Variants in PRKCA observed in about 807,000 individuals in gnomAD.
The protein encoded by PRKCA is protein kinase C alpha type.
Under a neutral mutation model 87.0 loss-of-function variants are expected in PRKCA, and 27 were observed. The ratio of observed to expected loss-of-function variants is 0.31; its 90% confidence interval spans 0.23 to 0.43. PRKCA has a LOEUF of 0.43. PRKCA is among the 20% of genes least tolerant of loss of function. The probability of loss-of-function intolerance (pLI) is 1.00; values close to 1 mark genes in which losing one functional copy is unlikely to be tolerated. For synonymous variants in PRKCA, 329 were observed against 311.1 expected (o/e 1.06, Z -0.61); for missense variants, 518 against 852.3 (o/e 0.61, Z 4.88).
At chr17:66,723,167 G>GC (rs1391422468) in intron 8 of PRKCA, among the ~76,000 whole-genome samples, 3 of 15,750 alleles carry the variant, frequency 1.9e-4, no homozygotes, top group African/African-American at 8.0e-4. Context: ...GCAGGTCACA[G>GC]GTTTCTGGTC....
intron 2 of PRKCA, among the ~76,000 whole-genome samples, chr17:66,405,785 G>T (rs982518622): frequency 2.0e-5 from 3 of 152,040 alleles, no homozygotes; most frequent in Non-Finnish European, 4.4e-5. Flanking sequence ...TTGGCAGATG[G>T]CTATCTGTGC....
intron 8 of PRKCA, among the ~76,000 whole-genome samples, chr17:66,724,249 T>C (rs1013408041): frequency 2.0e-5 from 3 of 149,894 alleles, no homozygotes; most frequent in African/African-American, 7.4e-5. Context: ...TGAGCCAAGA[T>C]CGCGCCACTG....
At chr17:66,745,571 C>T (rs189125599) in intron 13 of PRKCA, among the ~76,000 whole-genome samples, 1 of 151,950 alleles carries the variant, frequency 6.6e-6, no homozygotes, top group East Asian at 1.9e-4. Context: ...ATCCCAGCTG[C>T]TCAGGATGCT....
chr17:66,426,180 A>C (rs912351450), intron 2 of PRKCA, among the ~76,000 whole-genome samples: 4 of 152,186 alleles, frequency 2.6e-5, no homozygotes, highest in Admixed American at 2.6e-4. Flanking sequence ...AGAGGTGAAC[A>C]TGAACCAGGA....
chr17:66,727,320 C>T (rs539866990), intron 8 of PRKCA, among the ~76,000 whole-genome samples: 30 of 152,288 alleles, frequency 2.0e-4, no homozygotes, highest in African/African-American at 7.0e-4. Context: ...TTATGGGCTT[C>T]TTTAAGGGGT....
chr17:66,426,427 A>G (rs896680954), intron 2 of PRKCA, among the ~76,000 whole-genome samples: 2 of 152,210 alleles, frequency 1.3e-5, no homozygotes, highest in African/African-American at 2.4e-5. Flanking sequence ...ATACAGGAGC[A>G]AGATTTCAGG....
chr17:66,773,936 G>A (rs1974992868), intron 13 of PRKCA, 51 bp from the exon 14 acceptor site: 1 of 1,610,246 alleles, frequency 6.2e-7, no homozygotes, highest in Non-Finnish European at 8.5e-7. Context: ...TGTTCTGACA[G>A]GGGCTATTGG....
chr17:66,726,973 C>T lies in PRKCA; in HGVS notation c.919-5715C>T, dbSNP rs945763210. 1.5e-4 allele frequency among the ~76,000 whole-genome samples: 23 copies of T among 152,250 alleles called. 1 individual carries two copies. The highest frequency in any genetic ancestry group is 2.1e-4 in the South Asian group (1 of 4,822). On this transcript the variant is annotated intron_variant, in intron 8 of 16. Transcript: ENST00000413366. The stretch of plus-strand genomic sequence containing the variant: ...TGCTGACCTCAGGTGATCCTCCTGC[C>T]TTGGTGTCCCAAAGTGCTGGGATTA...
intron 16 of PRKCA, among the ~76,000 whole-genome samples, chr17:66,799,668 T>C (rs1347190911): frequency 6.8e-6 from 1 of 146,018 alleles, no homozygotes; most frequent in Admixed American, 6.9e-5. Context: ...ACGGTGGTGG[T>C]GGTGGTGGTG....
At chr17:66,354,666 A>G (rs986976376) in intron 2 of PRKCA, among the ~76,000 whole-genome samples, 2 of 152,178 alleles carry the variant, frequency 1.3e-5, no homozygotes, top group Non-Finnish European at 2.9e-5. Flanking sequence ...CGGACTGCCT[A>G]CTTGACTAAT....
At chr17:66,682,143 C>T (rs1324536594) in intron 5 of PRKCA, among the ~76,000 whole-genome samples, 5 of 152,194 alleles carry the variant, frequency 3.3e-5, no homozygotes, top group Non-Finnish European at 5.9e-5. Context: ...CCTGGGTTCC[C>T]GAGCCACCTG....
Position 66,804,065 on chromosome 17 carries a change from C to T in PRKCA, c.*28C>T, listed in dbSNP as rs372080210. The T allele has an allele frequency of 1.3e-6, 2 of 1,585,592 alleles. No homozygotes were observed. Among genetic ancestry groups the T allele is most frequent in the Non-Finnish European group, 1.7e-6 (2 of 1,158,798 alleles). ...CTCACCAGCGAGAACAAACACCTCCCCAGCCCCCAGCCCTCCCCGCAGTGG... is the reference window on the plus strand; with the variant it reads ...CTCACCAGCGAGAACAAACACCTCCTCAGCCCCCAGCCCTCCCCGCAGTGG... On this transcript the variant is annotated 3_prime_UTR_variant, in exon 17 of 17. Coordinates refer to ENST00000413366, the MANE Select transcript of PRKCA (RefSeq NM_002737.3).
At chr17:66,477,170 A>G (rs1207843713) in intron 2 of PRKCA, among the ~76,000 whole-genome samples, 1 of 152,192 alleles carries the variant, frequency 6.6e-6, no homozygotes, top group Non-Finnish European at 1.5e-5. Flanking sequence ...AGCCATTTCA[A>G]AGATCCATGC....
chr17:66,624,323 T>C (rs115379941), intron 3 of PRKCA, among the ~76,000 whole-genome samples: 2,503 of 152,190 alleles, frequency 0.016, 83 homozygotes, highest in African/African-American at 0.058. Flanking sequence ...AGTTTCATCT[T>C]GGCCAGTTAT....
At chr17:66,445,562 A>G (rs1046220140) in intron 2 of PRKCA, among the ~76,000 whole-genome samples, 75 of 152,214 alleles carry the variant, frequency 4.9e-4, no homozygotes, top group African/African-American at 1.8e-3. Flanking sequence ...TCAAATAGTT[A>G]TATATGAAGA....
Position 66,803,035 on chromosome 17 carries a change from T to G in PRKCA, c.1855-838T>G, listed in dbSNP as rs895849237. Among the ~76,000 whole-genome samples, 3 of 152,090 alleles carry G rather than the reference T, an allele frequency of 2.0e-5. No homozygotes were observed. Among genetic ancestry groups the G allele is most frequent in the Admixed American group, 6.5e-5 (1 of 15,270 alleles). ...CTGACAAGGTGAAGAGAACACTCCT[T>G]CCCCACTTTTGGGGTCAGGCTACCA... On this transcript the variant is annotated intron_variant, in intron 16 of 16. Transcript: ENST00000413366. This position sits in a 1 kb window ranked among gnomAD's most constrained non-coding sequence, Gnocchi z 4.4.
intron 2 of PRKCA, among the ~76,000 whole-genome samples, chr17:66,479,474 T>C (rs1242432492): frequency 1.3e-5 from 2 of 152,204 alleles, no homozygotes; most frequent in African/African-American, 4.8e-5. Context: ...AAAGCAGAAC[T>C]GCCATTTGAC....
intron 2 of PRKCA, among the ~76,000 whole-genome samples, chr17:66,309,801 T>C (rs186114865): frequency 3.3e-5 from 5 of 152,192 alleles, no homozygotes; most frequent in African/African-American, 7.2e-5. Context: ...ACTTTTTTTT[T>C]CCCCCGTCAG....
chr17:66,709,400 T>G (rs1422383026), intron 8 of PRKCA, among the ~76,000 whole-genome samples: 1 of 134,602 alleles, frequency 7.4e-6, no homozygotes, highest in Non-Finnish European at 1.5e-5. Flanking sequence ...CAACCTCCAC[T>G]CCCGGGTTCA....
Sources: gnomAD v4.1 joint callset for allele counts (sites outside exome capture counted in the v4.1 genomes callset) on GRCh38, gnomAD v4.1.1 for gene constraint, Gnocchi (gnomAD v3.1) non-coding constraint, MANE v1.5 for transcripts, NCBI Gene and HGNC (gene_info 2026-07-23, HGNC 2026-07-21) for gene names.